Variants in FERMT3 observed in about 807,000 individuals in gnomAD.
FERMT3 encodes FERM domain containing kindlin 3.
A neutral mutation model predicts 80.8 loss-of-function variants in FERMT3; 33 were observed. The observed-to-expected ratio is 0.41, with a 90% CI of 0.31 to 0.55. The LOEUF (loss-of-function observed/expected upper bound fraction) is 0.55, where lower values mean the gene tolerates loss of function less well. Among genes scored for constraint, FERMT3 ranks in the 20% least tolerant of loss-of-function variants. The pLI is 0.31. For synonymous variants in FERMT3, 375 were observed against 372.2 expected, an observed-to-expected ratio of 1.01 and a Z score of -0.09; for missense variants, 754 against 908.7, an observed-to-expected ratio of 0.83 and a Z score of 2.19.
chr11:64,220,625 G>A lies in FERMT3; in HGVS notation c.1501G>A (p.Gly501Ser), dbSNP rs142543888. ...CTCTGCCGAGGGCCTCAACCCCTACGGCCTCGTTGCCCCCCGTTTCCAGCG... is the reference window on the plus strand; with the variant it reads ...CTCTGCCGAGGGCCTCAACCCCTACAGCCTCGTTGCCCCCCGTTTCCAGCG... The part of the protein sequence containing the change: ...DASAEGLNPY[G>S]LVAPRFQRKF... The change falls in exon 12 of 15, where the codon GGC (glycine) becomes AGC (serine). Residue 501 changes from glycine to serine, a missense_variant. Physicochemically the swap from Gly to Ser is moderately conservative, Grantham distance 56. Transcript: ENST00000345728. 52 of 1,611,692 alleles carry A rather than the reference G, an allele frequency of 3.2e-5. 1 individual carries two copies. The East Asian group carries it at 4.7e-4, about 15-fold the overall frequency.
At position 64,223,575 on chromosome 11, in the gene FERMT3, C is replaced by A; in HGVS notation, c.*83C>A. The A allele has an allele frequency of 2.0e-6, 3 of 1,471,130 alleles. No individual in the cohort carries two copies. The highest frequency in any genetic ancestry group is 2.4e-5 in the South Asian group (2 of 83,722). The allele number at this position is 1,471,130 out of a possible 1,614,324, so 91.1% of individuals were successfully genotyped here. On this transcript the variant is annotated 3_prime_UTR_variant, in exon 15 of 15. Transcript: ENST00000345728. ...ACACCCACAGGGGCTCACTGCCCCA[C>A]ACCCGCTCCAGGCAGGCACCCAGCT...
At position 64,223,033 on chromosome 11, in the gene FERMT3, C is replaced by T. The variant is rs78324705; in HGVS notation, c.1671-15C>T. 5 of 1,613,100 alleles carry T rather than the reference C, an allele frequency of 3.1e-6. No individual in the cohort carries two copies. In the African/African-American group the frequency reaches 5.3e-5, roughly 17 times the overall value. On this transcript the variant is annotated splice_polypyrimidine_tract_variant and intron_variant, in intron 13 of 14. Transcript: ENST00000345728. ...AGGGTGGAGCCCTGGCTCACTCTCT[C>T]TCCCTGGGGGCCAGGTTCAAGGGCA...
Position 64,219,394 on chromosome 11 carries a change from G to A in FERMT3, c.894+36G>A, listed in dbSNP as rs776598748. On this transcript the variant is annotated intron_variant, in intron 7 of 14. Coordinates refer to ENST00000345728, the MANE Select transcript of FERMT3 (RefSeq NM_031471.6). The surrounding 1 kb of genome is among the most constrained non-coding windows in gnomAD (Gnocchi z 4.0). ...GGCCTGGGGGCACCAGGGCAGGTGG[G>A]AGGTGAGCCAGTCCCAGGGCAGGAA... 8 of 1,571,168 alleles carry A rather than the reference G, an allele frequency of 5.1e-6. No homozygotes were observed. The highest frequency in any genetic ancestry group is 6.9e-6 in the Non-Finnish European group (8 of 1,158,942).
Position 64,211,102 on chromosome 11 carries a change from G to T in FERMT3, c.445G>T (p.Glu149Ter). The change falls in exon 4 of 15, where the codon GAG (glutamate) becomes TAG (stop). Residue 149 changes from glutamate (E) to a stop codon, truncating the protein, a stop_gained. Coordinates refer to ENST00000345728, the MANE Select transcript of FERMT3 (RefSeq NM_031471.6). LOFTEE classifies it high-confidence loss of function. The surrounding 1 kb of genome is among the most constrained non-coding windows in gnomAD (Gnocchi z 4.7). The part of the protein sequence containing the change: ...LSLLRAPEKK[E>*]KKKKEKEPEE... ...CCTGCTCCGGGCTCCTGAGAAGAAG[G>T]AGAAGAAGAAGAAAGAGAAGGAGCC... 6.4e-7 allele frequency: 1 copy of T among 1,571,176 alleles called. No homozygotes were observed. The highest frequency in any genetic ancestry group is 2.4e-5 in the East Asian group (1 of 42,158).
Position 64,223,569 on chromosome 11 carries a change from G to A in FERMT3, c.*77G>A. On this transcript the variant is annotated 3_prime_UTR_variant, in exon 15 of 15. Transcript: ENST00000345728. ...AAGCCCACACCCACAGGGGCTCACTGCCCCACACCCGCTCCAGGCAGGCAC... is the reference window on the plus strand; with the variant it reads ...AAGCCCACACCCACAGGGGCTCACTACCCCACACCCGCTCCAGGCAGGCAC... The A allele has an allele frequency of 6.7e-7, 1 of 1,499,716 alleles. No individual in the cohort carries two copies. The highest frequency in any genetic ancestry group is 9.0e-7 in the Non-Finnish European group (1 of 1,110,082). The allele number at this position is 1,499,716 out of a possible 1,614,324, so 92.9% of individuals were successfully genotyped here.
chr11:64,217,279 G>A (rs1946572198), intron 6 of FERMT3, among the ~76,000 whole-genome samples: 1 of 152,198 alleles, frequency 6.6e-6, no homozygotes, highest in Non-Finnish European at 1.5e-5. Flanking sequence ...GCCGGGCACG[G>A]TGGCTCACGC....
Position 64,220,605 on chromosome 11 carries a change from C to G in FERMT3, c.1481C>G (p.Ala494Gly). 1.9e-6 allele frequency: 3 copies of G among 1,610,912 alleles called. No homozygotes were observed. Among genetic ancestry groups the G allele is most frequent in the Non-Finnish European group, 2.5e-6 (3 of 1,179,034 alleles). Reference protein sequence around the residue: ...GNHPHGPDASAEGLNPYGLVA... With the variant: ...GNHPHGPDASGEGLNPYGLVA... ...CACCCCCACGGCCCTGATGCCTCTG[C>G]CGAGGGCCTCAACCCCTACGGCCTC... The change falls in exon 12 of 15, where the codon GCC becomes GGC. Residue 494 changes from alanine (A) to glycine (G), a missense_variant. Ala to Gly is a moderately conservative substitution (Grantham distance 60). Coordinates refer to ENST00000345728, the MANE Select transcript of FERMT3 (RefSeq NM_031471.6).
Position 64,211,850 on chromosome 11 carries a change from C to T in FERMT3, c.786+103C>T. 1 of 1,103,952 alleles carries T rather than the reference C, an allele frequency of 9.1e-7. No homozygotes were observed. The allele number at this position is 1,103,952 out of a possible 1,614,324, so 68.4% of individuals were successfully genotyped here. A position where few individuals can be genotyped will look rare whatever the true frequency, so the allele number is the denominator to read the frequency against. On this transcript the variant is annotated intron_variant, in intron 6 of 14. Coordinates refer to ENST00000345728, the MANE Select transcript of FERMT3 (RefSeq NM_031471.6). The surrounding 1 kb of genome is among the most constrained non-coding windows in gnomAD (Gnocchi z 4.7). Reference sequence around the variant, plus strand: ...ATGTTAGTGACTTGTAGTGGCCTGTCCGTCTGCCCGTTTGTCCATCCACAC... The same window carrying T: ...ATGTTAGTGACTTGTAGTGGCCTGTTCGTCTGCCCGTTTGTCCATCCACAC...
intron 13 of FERMT3, among the ~76,000 whole-genome samples, chr11:64,221,472 A>G (rs1020163620): frequency 6.6e-6 from 1 of 152,032 alleles, no homozygotes; most frequent in African/African-American, 2.4e-5. Context: ...TCTACAAAAA[A>G]TTGTAAAAAA....
Position 64,221,309 on chromosome 11 carries a change from T to C in FERMT3, c.1670+169T>C, listed in dbSNP as rs1234206423. On this transcript the variant is annotated intron_variant, in intron 13 of 14. Transcript: ENST00000345728. ...CTGAGGGCCCCATGTGTGCCCCTCA[T>C]GCTGTCCCTCCACAACAAACATAAG... Among the ~76,000 whole-genome samples the C allele has an allele frequency of 3.3e-5, 5 of 152,296 alleles. No homozygotes were observed. In the East Asian group the frequency reaches 9.7e-4, roughly 29 times the overall value.
At chr11:64,207,570 C>A in intron 2 of FERMT3, 46 bp downstream of exon 2, 1 of 1,568,770 alleles carries the variant, frequency 6.4e-7, no homozygotes, top group African/African-American at 1.3e-5. Context: ...CATGGGCGGC[C>A]GCCACGGGTG....
rs1176803094 is a variant in FERMT3, at chr11:64,219,210, C to A, written c.787-41C>A. ...GCAGGGCGTCCAGGGCAGCTGGCATCTGACCAGCCCAGCCTCCAGCCTCCT... is the reference window on the plus strand; with the variant it reads ...GCAGGGCGTCCAGGGCAGCTGGCATATGACCAGCCCAGCCTCCAGCCTCCT... On this transcript the variant is annotated intron_variant, in intron 6 of 14. Coordinates refer to ENST00000345728, the MANE Select transcript of FERMT3 (RefSeq NM_031471.6). The surrounding 1 kb of genome is among the most constrained non-coding windows in gnomAD (Gnocchi z 4.0). 1 of 1,541,232 alleles carries A rather than the reference C, an allele frequency of 6.5e-7. No homozygotes were observed. The highest frequency in any genetic ancestry group is 1.2e-5 in the South Asian group (1 of 84,238).
rs1030764940 is a variant in FERMT3 at position 64,219,350 on chromosome 11, G to A, written c.886G>A (p.Ala296Thr). 4.4e-6 allele frequency: 7 copies of A among 1,599,074 alleles called. No individual in the cohort carries two copies. The highest frequency in any genetic ancestry group is 2.3e-5 in the East Asian group (1 of 43,854). The change falls in exon 7 of 15, where the codon GCC becomes ACC. Residue 296 changes from alanine to threonine, a missense_variant. Coordinates refer to ENST00000345728, the MANE Select transcript of FERMT3 (RefSeq NM_031471.6). The surrounding 1 kb of genome is among the most constrained non-coding windows in gnomAD (Gnocchi z 4.0). ...CGAGGAGGAGATGATGGTGTTTGCCGCCCTGCAGGTACCAGGCGGGCCTGG... is the reference window on the plus strand; with the variant it reads ...CGAGGAGGAGATGATGGTGTTTGCCACCCTGCAGGTACCAGGCGGGCCTGG... ...CTEEEMMVFAALQYHINKLSQ... is the reference protein window; with the variant it reads ...CTEEEMMVFATLQYHINKLSQ...
chr11:64,217,769 C>T (rs1358725628), intron 6 of FERMT3, among the ~76,000 whole-genome samples: 3 of 152,122 alleles, frequency 2.0e-5, no homozygotes, highest in Non-Finnish European at 2.9e-5. Flanking sequence ...AGCTCACCCT[C>T]GCATCTCATC....
rs1188088231 is a variant in FERMT3, at chr11:64,210,864, C to G, written c.394+20C>G. ...TCCTCAGTAAGTTGCCCGGCTGATT[C>G]CCCTGGCCCACGAGGGTGATGCAAA... is the stretch of plus-strand genomic sequence containing the variant. On this transcript the variant is annotated intron_variant, in intron 3 of 14. Coordinates refer to ENST00000345728, the MANE Select transcript of FERMT3 (RefSeq NM_031471.6). This position sits in a 1 kb window ranked among gnomAD's most constrained non-coding sequence, Gnocchi z 4.3. 6.2e-7 allele frequency: 1 copy of G among 1,609,860 alleles called. No individual in the cohort carries two copies. The highest frequency in any genetic ancestry group is 1.3e-5 in the African/African-American group (1 of 74,934).
Position 64,211,678 on chromosome 11 carries a change from G to T in FERMT3, c.717G>T (p.Gln239His). Residue 239 changes from glutamine (Q) to histidine (H), a missense_variant, in exon 6 of 15, where the codon CAG becomes CAT. Transcript: ENST00000345728. This position sits in a 1 kb window ranked among gnomAD's most constrained non-coding sequence, Gnocchi z 4.7. ...ACTCGTCGCGGTGTCTCATGCAGCA[G>T]GGCATCAAGGCCGGGGACGCACTCT... ...WLDSSRCLMQ[Q>H]GIKAGDALWL... The T allele has an allele frequency of 1.9e-6, 3 of 1,614,182 alleles. No individual in the cohort carries two copies. The highest frequency in any genetic ancestry group is 2.5e-6 in the Non-Finnish European group (3 of 1,180,040).
chr11:64,222,670 G>A (rs556771563), intron 13 of FERMT3, among the ~76,000 whole-genome samples: 7 of 152,202 alleles, frequency 4.6e-5, no homozygotes, highest in Non-Finnish European at 7.4e-5. Flanking sequence ...TGGGTTCGCC[G>A]GTCCGCAAGA....
In FERMT3 at chr11:64,207,811, G is replaced by T. The variant is rs116927435; in HGVS notation, c.160+287G>T. ...GGGCAGAAGGAGTGGTCTTGTCTGG[G>T]CCGAGGCTGAAGTCACATTGCTGAG... is the stretch of plus-strand genomic sequence containing the variant. On this transcript the variant is annotated intron_variant, in intron 2 of 14. Coordinates refer to ENST00000345728, the MANE Select transcript of FERMT3 (RefSeq NM_031471.6). 25 of 365,270 alleles carry T rather than the reference G, an allele frequency of 6.8e-5. No homozygotes were observed. The East Asian group carries it at 1.4e-3, about 21-fold the overall frequency. 22.6% of individuals were successfully genotyped at this position (365,270 alleles called of 1,614,324 possible).
chr11:64,206,922 C>T (rs935280762), intron 1 of FERMT3, 108 bp downstream of exon 1: 10 of 161,422 alleles, frequency 6.2e-5, no homozygotes, highest in East Asian at 5.5e-4. Flanking sequence ...TCCACCTCCC[C>T]GGAGAGGCTT....
Sources: gnomAD v4.1 joint callset for allele counts (sites outside exome capture counted in the v4.1 genomes callset) on GRCh38, gnomAD v4.1.1 for gene constraint, Gnocchi (gnomAD v3.1) non-coding constraint, MANE v1.5 for transcripts, NCBI Gene and HGNC (gene_info 2026-07-23, HGNC 2026-07-21) for gene names.